The following ZNF141 variants were observed in gnomAD, a reference collection of about 807,000 sequenced individuals.
The protein encoded by ZNF141 is zinc finger protein 141 (clone pHZ-44).
In ZNF141, 7 loss-of-function variants were observed where a neutral mutation model predicts 11.3. The observed-to-expected ratio is 0.62, with a 90% confidence interval of 0.35 to 1.16. ZNF141 has a LOEUF of 1.16. Ranked by LOEUF, ZNF141 falls within the 50% of genes most tolerant of loss-of-function variation. The pLI is 0.02. For synonymous variants in ZNF141, 183 were observed against 190.7 expected (o/e 0.96, Z 0.33); for missense variants, 535 against 554.0 (o/e 0.97, Z 0.34).
Position 382,322 on chromosome 4 carries a change from A to T in ZNF141, c.*8460A>T, listed in dbSNP as rs1712663478. 6.6e-6 allele frequency among the ~76,000 whole-genome samples: 1 copy of T among 152,152 alleles called. No homozygotes were observed. Among genetic ancestry groups the T allele is most frequent in the South Asian group, 2.1e-4 (1 of 4,834 alleles). On this transcript the variant is annotated 3_prime_UTR_variant, in exon 4 of 4. Coordinates refer to ENST00000240499, the MANE Select transcript of ZNF141 (RefSeq NM_003441.4). ...TCCTAAATGTGGGGTCTTAGAAAAC[A>T]TCTTGTCCCTTCGAAGCATACTCTG...
At chr4:342,704 G>T in intron 1 of ZNF141, 1 of 1,000,014 alleles carries the variant, frequency 1.0e-6, no homozygotes, top group Non-Finnish European at 1.6e-6. Flanking sequence ...CATCAGCTGT[G>T]TTCTGCCCAC....
chr4:359,637 C>T (rs1038377268), intron 3 of ZNF141, among the ~76,000 whole-genome samples: 3 of 152,096 alleles, frequency 2.0e-5, no homozygotes, highest in Admixed American at 6.5e-5. Flanking sequence ...TCACAATTCA[C>T]GGTGGGAATA....
chr4:350,239 G>A (rs370856331), intron 3 of ZNF141: 24 of 534,178 alleles, frequency 4.5e-5, no homozygotes, highest in Non-Finnish European at 8.5e-5. Flanking sequence ...CTGAGTGAGG[G>A]CCTGCTTATT....
chr4:373,713 A>C lies in ZNF141; in HGVS notation c.1276A>C (p.Lys426Gln). 6.2e-7 allele frequency: 1 copy of C among 1,614,150 alleles called. No individual in the cohort carries two copies. Among genetic ancestry groups the C allele is most frequent in the Non-Finnish European group, 8.5e-7 (1 of 1,180,006 alleles). Reference sequence around the variant, plus strand: ...TAGTGCAGATAAACCCTACAAATGTAAAGAATGTGACAAAGCCTTTAAACA... The same window carrying C: ...TAGTGCAGATAAACCCTACAAATGTCAAGAATGTGACAAAGCCTTTAAACA... ...IHSADKPYKC[K>Q]ECDKAFKQFS... The change falls in exon 4 of 4, where the codon AAA becomes CAA. Residue 426 changes from lysine to glutamine, a missense_variant. By Grantham distance (53) the Lys-to-Gln change is moderately conservative (BLOSUM62 1). Coordinates refer to ENST00000240499, the MANE Select transcript of ZNF141 (RefSeq NM_003441.4).
At chr4:371,513 A>G (rs1024692029) in intron 3 of ZNF141, among the ~76,000 whole-genome samples, 1 of 149,990 alleles carries the variant, frequency 6.7e-6, no homozygotes, top group Non-Finnish European at 1.5e-5. Flanking sequence ...TACAGGCATG[A>G]GCCACCATGC....
At chr4:360,712 TAAA>T (rs1162915900) in intron 3 of ZNF141, among the ~76,000 whole-genome samples, 1 of 152,070 alleles carries the variant, frequency 6.6e-6, no homozygotes, top group Non-Finnish European at 1.5e-5. Context: ...TGGAGCAAGT[TAAA>T]AAAATATACA....
rs781382513 is a variant in ZNF141, at chr4:380,051, C to T, written c.*6189C>T. On this transcript the variant is annotated 3_prime_UTR_variant, in exon 4 of 4. Transcript: ENST00000240499. The stretch of plus-strand genomic sequence containing the variant: ...GTTTTACAGACATGTCTCCAGATGC[C>T]CCTTTCTTGTAAATACCCAAGCATC... Among the ~76,000 whole-genome samples the T allele has an allele frequency of 2.6e-5, 4 of 152,194 alleles. No homozygotes were observed. Among genetic ancestry groups the T allele is most frequent in the Non-Finnish European group, 2.9e-5 (2 of 68,036 alleles).
At chr4:364,238 A>G (rs531542303) in intron 3 of ZNF141, among the ~76,000 whole-genome samples, 15 of 152,184 alleles carry the variant, frequency 9.9e-5, no homozygotes, top group African/African-American at 3.6e-4. Flanking sequence ...CTCTTTTTCT[A>G]TTGATTGAAA....
rs533955704 is a variant in ZNF141 at position 383,085 on chromosome 4, T to C, written c.*9223T>C. The C allele has an allele frequency of 2.2e-5, 15 of 691,534 alleles. No homozygotes were observed. Among genetic ancestry groups the C allele is most frequent in the African/African-American group, 5.3e-5 (3 of 56,776 alleles). 42.8% of individuals were successfully genotyped at this position (691,534 alleles called of 1,614,324 possible). On this transcript the variant is annotated 3_prime_UTR_variant, in exon 4 of 4. Coordinates refer to ENST00000240499, the MANE Select transcript of ZNF141 (RefSeq NM_003441.4). ...TTAAAGGTCCTAAATGCTTCTGTTA[T>C]CTTTTTCAGAATTCTTCCATCTCTA...
At chr4:348,001 T>G (rs1721419789) in intron 3 of ZNF141, among the ~76,000 whole-genome samples, 1 of 151,496 alleles carries the variant, frequency 6.6e-6, no homozygotes. Context: ...CGTGCCACCA[T>G]GCCCAGCTAA....
intron 3 of ZNF141, 59 bp downstream of exon 3, chr4:344,489 A>T: frequency 6.7e-7 from 1 of 1,486,220 alleles, no homozygotes; most frequent in Non-Finnish European, 9.2e-7. Flanking sequence ...TCAAGAAGGA[A>T]GCCAGGCCTT....
In ZNF141 at chr4:383,353, T is replaced by A. The variant is rs527352858; in HGVS notation, c.*9491T>A. The A allele has an allele frequency of 1.9e-6, 1 of 519,150 alleles. No individual in the cohort carries two copies. The highest frequency in any genetic ancestry group is 1.9e-5 in the African/African-American group (1 of 52,022). The allele number at this position is 519,150 out of a possible 1,614,324, so 32.2% of individuals were successfully genotyped here. A position where few individuals can be genotyped will look rare whatever the true frequency, so the allele number is the denominator to read the frequency against. ...TTGTTATGCAGTTATAAGTTAGTAA[T>A]ATATACACCCATTAAAGACAGGATC... On this transcript the variant is annotated 3_prime_UTR_variant, in exon 4 of 4. Transcript: ENST00000240499.
chr4:372,603 T>C, intron 3 of ZNF141, 61 bp from the exon 4 acceptor site: 1 of 1,345,854 alleles, frequency 7.4e-7, no homozygotes, highest in Non-Finnish European at 1.0e-6. Context: ...TCATAAGATT[T>C]GTAAAGTATA....
At chr4:371,657 A>G (rs1475468952) in intron 3 of ZNF141, among the ~76,000 whole-genome samples, 2 of 152,032 alleles carry the variant, frequency 1.3e-5, no homozygotes, top group African/African-American at 4.8e-5. Flanking sequence ...CTCCTGCCTC[A>G]GCCTCCCGCA....
chr4:342,674 T>C (rs112100920), intron 1 of ZNF141: 4 of 808,920 alleles, frequency 4.9e-6, no homozygotes, highest in African/African-American at 1.7e-5. Context: ...TAGGATCACA[T>C]GGACAGTTTG....
In ZNF141 at chr4:375,526, G is replaced by T. The variant is rs1553854443; in HGVS notation, c.*1664G>T. Among the ~76,000 whole-genome samples the T allele has an allele frequency of 6.6e-6, 1 of 152,028 alleles. No homozygotes were observed. The highest frequency in any genetic ancestry group is 1.5e-5 in the Non-Finnish European group (1 of 67,912). ...GTATGTAAACATCAGAGGATTTACA[G>T]TAGAAAGAACTAAGGAACTAACACT... is the stretch of plus-strand genomic sequence containing the variant. On this transcript the variant is annotated 3_prime_UTR_variant, in exon 4 of 4. Coordinates refer to ENST00000240499, the MANE Select transcript of ZNF141 (RefSeq NM_003441.4).
At chr4:355,611 G>A (rs1171405544) in intron 3 of ZNF141, among the ~76,000 whole-genome samples, 6 of 151,982 alleles carry the variant, frequency 3.9e-5, no homozygotes, top group African/African-American at 9.7e-5. Flanking sequence ...TTTTTGAATC[G>A]TTAACCTATG....
rs140098632 is a variant in ZNF141, at chr4:378,080, G to A, written c.*4218G>A. On this transcript the variant is annotated 3_prime_UTR_variant, in exon 4 of 4. Transcript: ENST00000240499. ...CTCGGGAAGCTGAGGCAGGAGAATC[G>A]CTTGAACCCAGGATGCAGAGGTTGC... 1,113 of 152,114 alleles carry A rather than the reference G, an allele frequency of 7.3e-3. 11 individuals carry two copies. The highest frequency in any genetic ancestry group is 0.072 in the Middle Eastern group (21 of 292). The allele number at this position is 152,114 out of a possible 1,614,324, so 9.4% of individuals were successfully genotyped here. A position where few individuals can be genotyped will look rare whatever the true frequency, so the allele number is the denominator to read the frequency against.
chr4:338,084 G>C (rs1553847850), intron 1 of ZNF141, 98 bp downstream of exon 1: 1 of 1,549,952 alleles, frequency 6.5e-7, no homozygotes, highest in African/African-American at 1.4e-5. Context: ...AGTCCCCGCT[G>C]CCGCCGCTCA....
Sources: gnomAD v4.1 joint callset for allele counts (sites outside exome capture counted in the v4.1 genomes callset) on GRCh38, gnomAD v4.1.1 for gene constraint, MANE v1.5 for transcripts, NCBI Gene and HGNC (gene_info 2026-07-23, HGNC 2026-07-21) for gene names.